MTA3: variants seen among roughly 807,000 people sequenced by gnomAD.
MTA3 encodes the protein metastasis-associated protein MTA3.
Under a neutral mutation model 83.5 loss-of-function variants are expected in MTA3, and 34 were observed. The observed-to-expected ratio is 0.41, with a 90% CI of 0.31 to 0.54. The LOEUF (loss-of-function observed/expected upper bound fraction) is 0.54, where lower values mean the gene tolerates loss of function less well. Ranked by LOEUF, MTA3 falls within the 20% of genes least tolerant of loss-of-function variation. The pLI is 0.33. For missense variants in MTA3, 761 were observed against 726.4 expected, an observed-to-expected ratio of 1.05 and a Z score of -0.55; for synonymous variants, 303 against 252.7, an observed-to-expected ratio of 1.20 and a Z score of -1.89.
intron 4 of MTA3, 81 bp from the exon 5 acceptor site, chr2:42,640,092 A>C (rs764996246): frequency 4.0e-4 from 420 of 1,039,778 alleles, no homozygotes; most frequent in Non-Finnish European, 5.6e-4. Context: ...TACCAGTCTC[A>C]CATTCTTAAC....
At chr2:42,570,318 C>G (rs1194468234) in intron 1 of MTA3, 119 bp from the exon 2 acceptor site, 1 of 542,170 alleles carries the variant, frequency 1.8e-6, no homozygotes, top group Non-Finnish European at 3.3e-6. Context: ...TTTGCTTTTA[C>G]CAGTGAATGA....
At chr2:42,559,578 C>T (rs891105489) in intron 2 of MTA3, among the ~76,000 whole-genome samples, 7 of 148,952 alleles carry the variant, frequency 4.7e-5, no homozygotes, top group Non-Finnish European at 1.0e-4. Flanking sequence ...GCTGGCTCTG[C>T]CTTAAAAAAT....
At chr2:42,611,186 T>C (rs1684160954) in intron 4 of MTA3, among the ~76,000 whole-genome samples, 1 of 152,040 alleles carries the variant, frequency 6.6e-6, no homozygotes. Context: ...GGTTTCGCCA[T>C]GTTGGCCAGG....
At chr2:42,719,281 A>T (rs1456574859) in intron 15 of MTA3, among the ~76,000 whole-genome samples, 2 of 152,148 alleles carry the variant, frequency 1.3e-5, no homozygotes, top group Admixed American at 1.3e-4. Context: ...GATTTATGAT[A>T]TATGTCTACT....
chr2:42,695,634 CAAA>C (rs70963347), intron 9 of MTA3, 128 bp from the exon 10 acceptor site: 2,260 of 129,482 alleles, frequency 0.017, 1 homozygote, highest in South Asian at 0.025. Context: ...CAGTCTATCT[CAAA>C]AAAAAAAAAA....
intron 4 of MTA3, among the ~76,000 whole-genome samples, chr2:42,617,044 A>T (rs376208018): frequency 1.3e-5 from 2 of 152,254 alleles, no homozygotes; most frequent in African/African-American, 4.8e-5. Context: ...TTTTTTGTAT[A>T]CTCATTATTT....
chr2:42,657,437 T>C (rs1689272286), intron 7 of MTA3, among the ~76,000 whole-genome samples: 1 of 152,160 alleles, frequency 6.6e-6, no homozygotes, highest in African/African-American at 2.4e-5. Context: ...GAGTACAGAA[T>C]ATTGGTCTAG....
chr2:42,725,967 G>A (rs920992402), intron 16 of MTA3, among the ~76,000 whole-genome samples: 9 of 152,072 alleles, frequency 5.9e-5, no homozygotes, highest in African/African-American at 2.2e-4. Flanking sequence ...TGGGATAATG[G>A]GCCTGTTTCC....
intron 3 of MTA3, among the ~76,000 whole-genome samples, chr2:42,597,900 T>TTGAACTCC (rs1682023976): frequency 6.6e-6 from 1 of 152,014 alleles, no homozygotes; most frequent in Non-Finnish European, 1.5e-5. Flanking sequence ...CAGGCTGGTC[T>TTGAACTCC]TGAACTCCTG....
intron 8 of MTA3, among the ~76,000 whole-genome samples, chr2:42,665,427 C>T (rs986834353): frequency 6.6e-6 from 1 of 152,064 alleles, no homozygotes; most frequent in African/African-American, 2.4e-5. Flanking sequence ...GTTTACAGTA[C>T]TTACATTGAT....
chr2:42,542,097 A>G (rs1343838608), intron 2 of MTA3, among the ~76,000 whole-genome samples: 1 of 152,192 alleles, frequency 6.6e-6, no homozygotes, highest in Non-Finnish European at 1.5e-5. Flanking sequence ...CTTTCTTTGC[A>G]AATGGGTTTG....
intron 14 of MTA3, among the ~76,000 whole-genome samples, chr2:42,718,243 T>G (rs1189738322): frequency 1.3e-5 from 2 of 151,928 alleles, no homozygotes; most frequent in Admixed American, 1.3e-4. Context: ...GCATGTAAAT[T>G]ATTATTGTTA....
At chr2:42,531,239 C>T (rs969429610) in intron 2 of MTA3, among the ~76,000 whole-genome samples, 11 of 152,118 alleles carry the variant, frequency 7.2e-5, no homozygotes, top group African/African-American at 2.4e-4. Flanking sequence ...TCCAGAACCC[C>T]ACATAAGCTT....
At chr2:42,641,784 T>C (rs1251596688) in intron 5 of MTA3, among the ~76,000 whole-genome samples, 1 of 152,086 alleles carries the variant, frequency 6.6e-6, no homozygotes, top group East Asian at 1.9e-4. Flanking sequence ...GAGAATACCT[T>C]GGATCTGGGA....
intron 2 of MTA3, among the ~76,000 whole-genome samples, chr2:42,552,623 CAAA>C (rs536783114): frequency 1.8e-4 from 16 of 88,352 alleles, no homozygotes; most frequent in Admixed American, 1.3e-4. Flanking sequence ...ACTCCTTGTC[CAAA>C]AAAAAAAAAA....
chr2:42,524,762 A>T (rs1675602101), intron 2 of MTA3, among the ~76,000 whole-genome samples: 1 of 150,874 alleles, frequency 6.6e-6, no homozygotes, highest in African/African-American at 2.4e-5. Flanking sequence ...GAACCTGAAA[A>T]CACTAGGGCC....
intron 3 of MTA3, among the ~76,000 whole-genome samples, chr2:42,582,662 A>G (rs1437004875): frequency 1.3e-5 from 2 of 152,100 alleles, no homozygotes; most frequent in African/African-American, 4.8e-5. Flanking sequence ...AGTGAGAGGA[A>G]ATGATTTTTA....
chr2:42,676,634 C>T (rs1434614629), intron 8 of MTA3, among the ~76,000 whole-genome samples: 1 of 152,098 alleles, frequency 6.6e-6, no homozygotes, highest in African/African-American at 2.4e-5. Context: ...GGCATTGTGG[C>T]ATGCACCTGT....
At chr2:42,682,027 C>T (rs1240735918) in intron 8 of MTA3, among the ~76,000 whole-genome samples, 1 of 151,762 alleles carries the variant, frequency 6.6e-6, no homozygotes, top group Non-Finnish European at 1.5e-5. Flanking sequence ...GGCAACATAG[C>T]GAGACCCCCA....
Sources: gnomAD v4.1 joint callset for allele counts (sites outside exome capture counted in the v4.1 genomes callset) on GRCh38, gnomAD v4.1.1 for gene constraint, MANE v1.5 for transcripts, NCBI Gene and HGNC (gene_info 2026-07-23, HGNC 2026-07-21) for gene names.